The following ANO7 variants were observed in gnomAD, a reference collection of about 807,000 sequenced individuals.
ANO7 encodes the protein anoctamin-7.
In ANO7, 114 loss-of-function variants were observed where a neutral mutation model predicts 115.8. The ratio of observed to expected loss-of-function variants is 0.98; its 90% CI spans 0.85 to 1.15. The LOEUF is 1.15. ANO7 is among the 50% of genes most tolerant of loss of function. The pLI is 0.00. For synonymous variants in ANO7, 550 were observed against 498.2 expected, an observed-to-expected ratio of 1.10 and a Z score of -1.38; for missense variants, 1,302 against 1,201.2, an observed-to-expected ratio of 1.08 and a Z score of -1.24.
In ANO7 at chr2:241,224,696, G is replaced by A. The variant is rs1355708805; in HGVS notation, c.*543G>A. 1 of 153,900 alleles carries A rather than the reference G, an allele frequency of 6.5e-6. No homozygotes were observed. Among genetic ancestry groups the A allele is most frequent in the African/African-American group, 2.4e-5 (1 of 41,416 alleles). The allele number at this position is 153,900 out of a possible 1,614,324, so 9.5% of individuals were successfully genotyped here. On this transcript the variant is annotated 3_prime_UTR_variant, in exon 25 of 25. Coordinates refer to ENST00000674324, the MANE Select transcript of ANO7 (RefSeq NM_001370694.2). ...TCCCAGGCCACAGCAAAGGTCTGTT[G>A]AACCCCTCCCTCCATTCCCAGTTAT...
In ANO7 at chr2:241,203,669, ACT is replaced by A. The variant is rs965489236; in HGVS notation, c.889+174_889+175del. On this transcript the variant is annotated intron_variant, in intron 9 of 24. Transcript: ENST00000674324. The surrounding 1 kb of genome is among the most constrained non-coding windows in gnomAD (Gnocchi z 4.8). ...CTCCTGGCTCCCCTCAAGCCCACTCACTCTAACTGGGCGCCATGACGATGCCG... is the reference window on the plus strand; with the variant it reads ...CTCCTGGCTCCCCTCAAGCCCACTCACTAACTGGGCGCCATGACGATGCCG... Among the ~76,000 whole-genome samples, 1 of 150,898 alleles carries A rather than the reference ACT, an allele frequency of 6.6e-6. No homozygotes were observed. Among genetic ancestry groups the A allele is most frequent in the African/African-American group, 2.4e-5 (1 of 41,004 alleles).
intron 3 of ANO7, among the ~76,000 whole-genome samples, chr2:241,191,571 CTT>C (rs1289846076): frequency 4.1e-5 from 6 of 147,944 alleles, no homozygotes; most frequent in Non-Finnish European, 7.4e-5. Flanking sequence ...ATTTCTGACT[CTT>C]ATCTCTTGCA....
At position 241,212,237 on chromosome 2, in the gene ANO7, T is replaced by C. The variant is rs768837012; in HGVS notation, c.1673+32T>C. On this transcript the variant is annotated intron_variant, in intron 16 of 24. Transcript: ENST00000674324. The stretch of plus-strand genomic sequence containing the variant: ...GGGCACCTCTCCCTCTGGCCACAGC[T>C]TGTCCCGGCTTAGTTCTGCTCATGT... 4.5e-6 allele frequency: 7 copies of C among 1,560,188 alleles called. No homozygotes were observed. In the East Asian group the frequency reaches 1.6e-4, roughly 35 times the overall value.
intron 20 of ANO7, 125 bp from the exon 21 acceptor site, chr2:241,218,114 C>A (rs1574795380): frequency 3.0e-6 from 1 of 335,132 alleles, no homozygotes; most frequent in Non-Finnish European, 3.3e-6. Flanking sequence ...GCAGCGGGGG[C>A]GCGCAGGGGC....
chr2:241,238,831 A>T, the ANO7 span: 1 of 1,472,800 alleles, frequency 6.8e-7, no homozygotes, highest in Non-Finnish European at 9.1e-7. This position sits in a 1 kb window ranked among gnomAD's most constrained non-coding sequence, Gnocchi z 4.9. Flanking sequence ...GCAAAGATTA[A>T]ATTCCTTAGG....
At position 241,210,345 on chromosome 2, in the gene ANO7, C is replaced by G; in HGVS notation, c.1410C>G (p.Ile470Met). ...TGTCTATCATCCTGTACCGTGCCATCATGGCCATCGTGGTGTCCAGGTCGG... is the reference window on the plus strand; with the variant it reads ...TGTCTATCATCCTGTACCGTGCCATGATGGCCATCGTGGTGTCCAGGTCGG... ...CLVSIILYRA[I>M]MAIVVSRSGN... The change falls in exon 14 of 25, where the codon ATC becomes ATG. Residue 470 changes from isoleucine (I) to methionine (M), a missense_variant. By Grantham distance (10) the Ile-to-Met change is conservative. Transcript: ENST00000674324. 1 of 1,614,086 alleles carries G rather than the reference C, an allele frequency of 6.2e-7. No homozygotes were observed. Among genetic ancestry groups the G allele is most frequent in the Non-Finnish European group, 8.5e-7 (1 of 1,179,992 alleles).
intron 13 of ANO7, 124 bp from the exon 14 acceptor site, chr2:241,210,171 C>A (rs1343783115): frequency 3.3e-6 from 3 of 915,514 alleles, no homozygotes; most frequent in Admixed American, 1.9e-5. Context: ...AGGCAGGGGC[C>A]TTCCTAGAGG....
Position 241,204,932 on chromosome 2 carries a change from C to A in ANO7, c.957C>A (p.Phe319Leu). The part of the protein sequence containing the change: ...VGTLVFLVGC[F>L]LVFSDIPTQE... The stretch of plus-strand genomic sequence containing the variant: ...CACTGGTGTTCCTGGTGGGCTGCTT[C>A]CTGGTGTTCTCAGACATACCCACGT... The change falls in exon 10 of 25, where the codon TTC becomes TTA. Residue 319 changes from phenylalanine to leucine, a missense_variant. Coordinates refer to ENST00000674324, the MANE Select transcript of ANO7 (RefSeq NM_001370694.2). 1 of 1,614,082 alleles carries A rather than the reference C, an allele frequency of 6.2e-7. No homozygotes were observed. The highest frequency in any genetic ancestry group is 8.5e-7 in the Non-Finnish European group (1 of 1,179,970).
rs2068691146 is a variant in ANO7 at position 241,210,322 on chromosome 2, T to C, written c.1387T>C (p.Ser463Pro). The C allele has an allele frequency of 6.2e-7, 1 of 1,613,886 alleles. No homozygotes were observed. The highest frequency in any genetic ancestry group is 1.7e-5 in the Admixed American group (1 of 60,008). The part of the protein sequence containing the change: ...MVAVVVMCLV[S>P]IILYRAIMAI... ...GGCCGTGGTGGTCATGTGCCTCGTG[T>C]CTATCATCCTGTACCGTGCCATCAT... Residue 463 changes from serine (S) to proline (P), a missense_variant, in exon 14 of 25, where the codon TCT (serine) becomes CCT (proline). Coordinates refer to ENST00000674324, the MANE Select transcript of ANO7 (RefSeq NM_001370694.2).
intron 1 of ANO7, among the ~76,000 whole-genome samples, chr2:241,189,171 T>C (rs1039473579): frequency 1.3e-5 from 2 of 151,838 alleles, no homozygotes; most frequent in African/African-American, 2.4e-5. Flanking sequence ...CCACAGTCCG[T>C]AGTGAGGCTC....
rs1234297303 is a variant in ANO7, at chr2:241,209,394, A to ACCGCTGGGACTG, written c.1189_1200dup (p.Arg397_Cys400dup). The ACCGCTGGGACTG allele has an allele frequency of 6.3e-7, 1 of 1,584,460 alleles. No homozygotes were observed. Among genetic ancestry groups the ACCGCTGGGACTG allele is most frequent in the South Asian group, 1.1e-5 (1 of 87,152 alleles). On this transcript the variant is annotated inframe_insertion, in exon 12 of 25. Transcript: ENST00000674324. ...AAGCGGAAGAGCGCCACGCTGGCCT[A>ACCGCTGGGACTG]CCGCTGGGACTGCTCTGACTACGAG...
intron 21 of ANO7, among the ~76,000 whole-genome samples, chr2:241,220,774 T>C (rs1001142792): frequency 6.6e-6 from 1 of 152,158 alleles, no homozygotes; most frequent in African/African-American, 2.4e-5. Flanking sequence ...CACTCCAGCC[T>C]GGGCAACAGA....
intron 15 of ANO7, among the ~76,000 whole-genome samples, chr2:241,211,357 G>A (rs1016453874): frequency 2.0e-5 from 3 of 152,182 alleles, no homozygotes; most frequent in African/African-American, 4.8e-5. Context: ...ATTTCCTGAG[G>A]ACAAACACTT....
intron 6 of ANO7, among the ~76,000 whole-genome samples, chr2:241,200,746 GT>G (rs1185942373): frequency 6.6e-6 from 1 of 152,270 alleles, no homozygotes; most frequent in Non-Finnish European, 1.5e-5. Flanking sequence ...CGGGGAACCA[GT>G]GCTGAAGGCG....
At chr2:241,217,595 A>T in intron 19 of ANO7, 91 bp from the exon 20 acceptor site, 2 of 1,406,994 alleles carry the variant, frequency 1.4e-6, no homozygotes, top group African/African-American at 1.4e-5. Context: ...TGGCGGCACC[A>T]CGTGGACTGG....
At chr2:241,191,301 G>A (rs780965749) in intron 3 of ANO7, 50 bp downstream of exon 3, 1 of 1,605,406 alleles carries the variant, frequency 6.2e-7, no homozygotes, top group Non-Finnish European at 8.5e-7. Flanking sequence ...CCTGAGGGTG[G>A]GGACACCACG....
chr2:241,229,766 A>C, downstream of ANO7: 1 of 1,599,250 alleles, frequency 6.3e-7, no homozygotes. Context: ...TGCCACCCTC[A>C]GGACACCAAG....
In ANO7 at chr2:241,204,871, A is replaced by AC. The variant is rs746262640; in HGVS notation, c.897dup (p.Thr300HisfsTer103). The stretch of plus-strand genomic sequence containing the variant: ...CCTGCCATCCTCTCTACAGGGTTTT[A>AC]CACAGGCTGGCTCCTGCCAGCGGCA... On this transcript the variant is annotated frameshift_variant, in exon 10 of 25. Coordinates refer to ENST00000674324, the MANE Select transcript of ANO7 (RefSeq NM_001370694.2). LOFTEE classifies it high-confidence loss of function. 6.2e-7 allele frequency: 1 copy of AC among 1,613,496 alleles called. No homozygotes were observed. Among genetic ancestry groups the AC allele is most frequent in the Non-Finnish European group, 8.5e-7 (1 of 1,179,826 alleles).
the ANO7 span, chr2:241,235,642 T>G: frequency 2.9e-6 from 4 of 1,368,562 alleles, no homozygotes; most frequent in Middle Eastern, 1.8e-4. Flanking sequence ...GAGAGCAGAG[T>G]GACGTTGTAA....
Sources: gnomAD v4.1 joint callset for allele counts (sites outside exome capture counted in the v4.1 genomes callset) on GRCh38, gnomAD v4.1.1 for gene constraint, Gnocchi (gnomAD v3.1) non-coding constraint, MANE v1.5 for transcripts, NCBI Gene and HGNC (gene_info 2026-07-23, HGNC 2026-07-21) for gene names.